Variants in CAPZB observed in about 807,000 individuals in gnomAD.
The protein encoded by CAPZB is capping actin protein of muscle Z-line subunit beta.
Under a neutral mutation model 38.1 loss-of-function variants are expected in CAPZB, and 2 were observed. The ratio of observed to expected loss-of-function variants is 0.05; its 90% CI spans 0.02 to 0.17. CAPZB has a LOEUF of 0.17. CAPZB is among the 10% of genes least tolerant of loss of function. CAPZB has a pLI of 1.00. For synonymous variants in CAPZB, 107 were observed against 127.4 expected (o/e 0.84, Z 1.08); for missense variants, 161 against 334.2 (o/e 0.48, Z 4.04).
At chr1:19,456,270 A>G (rs1186885326) in intron 1 of CAPZB, among the ~76,000 whole-genome samples, 1 of 152,224 alleles carries the variant, frequency 6.6e-6, no homozygotes, top group Non-Finnish European at 1.5e-5. Context: ...AACAGAACAC[A>G]TTGAAGAGAG....
intron 1 of CAPZB, among the ~76,000 whole-genome samples, chr1:19,480,250 A>C (rs762160487): frequency 2.0e-5 from 3 of 152,192 alleles, no homozygotes; most frequent in Non-Finnish European, 2.9e-5. Flanking sequence ...ATGCAGAATA[A>C]GACATGCAAC....
chr1:19,383,842 C>T (rs754890224), intron 3 of CAPZB, among the ~76,000 whole-genome samples: 3 of 152,058 alleles, frequency 2.0e-5, no homozygotes, highest in Non-Finnish European at 4.4e-5. Flanking sequence ...GGCTCAGGTC[C>T]GAAGCCTTGT....
intron 4 of CAPZB, among the ~76,000 whole-genome samples, chr1:19,366,685 T>A (rs558131354): frequency 6.7e-6 from 1 of 149,092 alleles, no homozygotes; most frequent in Non-Finnish European, 1.5e-5. Context: ...CGAGACTCCA[T>A]CTCAAAAGAA....
chr1:19,347,433 G>A (rs1012112804), intron 6 of CAPZB, among the ~76,000 whole-genome samples: 1 of 152,130 alleles, frequency 6.6e-6, no homozygotes, highest in Admixed American at 6.6e-5. Context: ...GAGAGGAAGG[G>A]CAGGATGGAG....
At chr1:19,485,333 C>T (rs2094647595) in intron 1 of CAPZB, 103 bp downstream of exon 1, 1 of 824,038 alleles carries the variant, frequency 1.2e-6, no homozygotes, top group Non-Finnish European at 1.6e-6. Context: ...GCCCCTCCCC[C>T]ACCCCGGGAA....
At chr1:19,384,677 T>C (rs538189589) in intron 3 of CAPZB, among the ~76,000 whole-genome samples, 19 of 152,324 alleles carry the variant, frequency 1.2e-4, no homozygotes, top group Non-Finnish European at 2.5e-4. Flanking sequence ...CCTGGTTCTG[T>C]GGTCTCCAAA....
At chr1:19,379,602 C>T (rs1165979530) in intron 3 of CAPZB, among the ~76,000 whole-genome samples, 1 of 152,196 alleles carries the variant, frequency 6.6e-6, no homozygotes, top group Non-Finnish European at 1.5e-5. Context: ...CACGTGAACA[C>T]AGGATAGCTT....
intron 1 of CAPZB, among the ~76,000 whole-genome samples, chr1:19,429,797 C>T (rs1016355851): frequency 2.0e-5 from 3 of 152,266 alleles, no homozygotes; most frequent in African/African-American, 4.8e-5. Context: ...ATGTCAGTTT[C>T]CAAGTCATTA....
At chr1:19,375,950 G>C (rs762795537) in intron 4 of CAPZB, among the ~76,000 whole-genome samples, 8 of 152,180 alleles carry the variant, frequency 5.3e-5, no homozygotes, top group Non-Finnish European at 1.2e-4. Flanking sequence ...AAAAGCCCCT[G>C]CAGAACCATA....
chr1:19,380,237 C>T (rs2094166868), intron 3 of CAPZB, among the ~76,000 whole-genome samples: 1 of 152,138 alleles, frequency 6.6e-6, no homozygotes, highest in Middle Eastern at 3.4e-3. Flanking sequence ...CTTGGTGTCC[C>T]CAAAGAGTCT....
chr1:19,350,045 C>A (rs1259370603), intron 6 of CAPZB, among the ~76,000 whole-genome samples: 1 of 152,246 alleles, frequency 6.6e-6, no homozygotes, highest in African/African-American at 2.4e-5. Context: ...GCGTCTGAAG[C>A]CGGAGCCTGG....
At chr1:19,403,572 C>A (rs1486096483) in intron 2 of CAPZB, among the ~76,000 whole-genome samples, 1 of 152,186 alleles carries the variant, frequency 6.6e-6, no homozygotes, top group African/African-American at 2.4e-5. Context: ...CGGGCTTGAT[C>A]CCGACAATGT....
At chr1:19,352,186 G>A (rs763377285) in intron 6 of CAPZB, among the ~76,000 whole-genome samples, 4 of 152,202 alleles carry the variant, frequency 2.6e-5, no homozygotes, top group Admixed American at 6.5e-5. Flanking sequence ...ATACTGCCTG[G>A]CCTAACTGCC....
intron 6 of CAPZB, among the ~76,000 whole-genome samples, chr1:19,351,760 T>C (rs1356816555): frequency 6.6e-6 from 1 of 152,148 alleles, no homozygotes; most frequent in Admixed American, 6.5e-5. Context: ...ATACATCCTT[T>C]ACCAGAAAAC....
intron 3 of CAPZB, among the ~76,000 whole-genome samples, chr1:19,380,066 A>G (rs2094165845): frequency 6.6e-6 from 1 of 152,196 alleles, no homozygotes; most frequent in South Asian, 2.1e-4. Context: ...CTGCACGCAG[A>G]CATCTTTCTT....
chr1:19,437,605 A>G (rs569507602), intron 1 of CAPZB, among the ~76,000 whole-genome samples: 1 of 152,308 alleles, frequency 6.6e-6, no homozygotes, highest in African/African-American at 2.4e-5. Context: ...AAAAGCAATC[A>G]GGAACAGAAC....
At chr1:19,378,910 CCT>C (rs1045020824) in intron 3 of CAPZB, among the ~76,000 whole-genome samples, 4 of 152,164 alleles carry the variant, frequency 2.6e-5, no homozygotes, top group Admixed American at 6.5e-5. Context: ...GTCCCAACTC[CCT>C]GAGCCTCACT....
intron 4 of CAPZB, among the ~76,000 whole-genome samples, chr1:19,363,259 A>ATTTT (rs1558186990): frequency 1.2e-5 from 1 of 83,506 alleles, no homozygotes; most frequent in African/African-American, 3.7e-5. Context: ...TTAAAAAAAA[A>ATTTT]ATTTTTTTTT....
intron 2 of CAPZB, among the ~76,000 whole-genome samples, chr1:19,418,372 C>T (rs537465693): frequency 6.6e-6 from 1 of 152,216 alleles, no homozygotes; most frequent in South Asian, 2.1e-4. Context: ...TGGCTCCTGG[C>T]CGGGGACCCC....
Sources: gnomAD v4.1 joint callset for allele counts (sites outside exome capture counted in the v4.1 genomes callset) on GRCh38, gnomAD v4.1.1 for gene constraint, MANE v1.5 for transcripts, NCBI Gene and HGNC (gene_info 2026-07-23, HGNC 2026-07-21) for gene names.